PCCA: variants seen among roughly 807,000 people sequenced by gnomAD.
PCCA encodes propionyl-CoA carboxylase subunit alpha.
A neutral mutation model predicts 101.3 loss-of-function variants in PCCA; 74 were observed. The observed-to-expected ratio is 0.73, with a 90% confidence interval of 0.61 to 0.89. The LOEUF (loss-of-function observed/expected upper bound fraction) is 0.89. PCCA is among the 40% of genes least tolerant of loss of function. The pLI, the probability that PCCA is intolerant of heterozygous loss-of-function variation, is 0.00. For missense variants in PCCA, 891 were observed against 907.0 expected (o/e 0.98, Z 0.23); for synonymous variants, 294 against 313.6 (o/e 0.94, Z 0.66).
chr13:100,462,526 G>A (rs1371036368), intron 21 of PCCA, among the ~76,000 whole-genome samples: 2 of 152,170 alleles, frequency 1.3e-5, no homozygotes, highest in African/African-American at 4.8e-5. Context: ...TAGTAGCAGA[G>A]CGAATTGTAG....
chr13:100,198,511 C>CATTCATTT (rs1453831346), intron 6 of PCCA: 2 of 133,192 alleles, frequency 1.5e-5, no homozygotes, highest in African/African-American at 5.4e-5. Flanking sequence ...TTCATTCATT[C>CATTCATTT]ATTTTTGAGA....
At chr13:100,470,185 C>T (rs1005111395) in intron 21 of PCCA, among the ~76,000 whole-genome samples, 8 of 152,168 alleles carry the variant, frequency 5.3e-5, no homozygotes, top group African/African-American at 9.7e-5. Context: ...TCAGCTCATC[C>T]GCCAGCTGAA....
At chr13:100,257,710 T>A (rs2062169816) in intron 9 of PCCA, 37 bp downstream of exon 9, 2 of 1,462,276 alleles carry the variant, frequency 1.4e-6, no homozygotes, top group South Asian at 2.3e-5. Flanking sequence ...TGATGAAAAT[T>A]GCAGTTACCA....
chr13:100,378,143 C>T (rs932648854), intron 19 of PCCA, among the ~76,000 whole-genome samples: 9 of 152,112 alleles, frequency 5.9e-5, no homozygotes, highest in East Asian at 1.9e-4. Context: ...TCAAATTCGG[C>T]GTTTGCTTGT....
intron 4 of PCCA, among the ~76,000 whole-genome samples, chr13:100,135,727 G>T (rs1280968684): frequency 6.6e-6 from 1 of 152,058 alleles, no homozygotes; most frequent in African/African-American, 2.4e-5. Flanking sequence ...GCACATTCTT[G>T]CCTTATTCCC....
chr13:100,372,418 A>G (rs1203136598), intron 19 of PCCA, among the ~76,000 whole-genome samples: 1 of 152,160 alleles, frequency 6.6e-6, no homozygotes, highest in African/African-American at 2.4e-5. Context: ...GCTTCAAGGT[A>G]TTGGATTTGG....
chr13:100,243,971 A>G (rs879632404), intron 8 of PCCA, among the ~76,000 whole-genome samples: 3 of 152,100 alleles, frequency 2.0e-5, no homozygotes. Flanking sequence ...GAATCTTTTT[A>G]TTTTGTCTAT....
At chr13:100,248,103 AT>A (rs1157749594) in intron 8 of PCCA, among the ~76,000 whole-genome samples, 1 of 152,138 alleles carries the variant, frequency 6.6e-6, no homozygotes, top group Non-Finnish European at 1.5e-5. Context: ...GCACATCTAA[AT>A]TTGGACTGGA....
At chr13:100,467,649 C>T (rs1041261971) in intron 21 of PCCA, among the ~76,000 whole-genome samples, 1 of 152,210 alleles carries the variant, frequency 6.6e-6, no homozygotes, top group Non-Finnish European at 1.5e-5. Flanking sequence ...GGATTACAGG[C>T]GTGAGCCACC....
chr13:100,306,799 C>T (rs1168435637), intron 14 of PCCA, among the ~76,000 whole-genome samples: 2 of 152,308 alleles, frequency 1.3e-5, no homozygotes, highest in Non-Finnish European at 2.9e-5. Context: ...TCCTATGGAG[C>T]TGAGGACCAG....
intron 17 of PCCA, among the ~76,000 whole-genome samples, chr13:100,336,010 C>G (rs2070391267): frequency 6.6e-6 from 1 of 152,142 alleles, no homozygotes; most frequent in African/African-American, 2.4e-5. Context: ...TGCCTGTAAT[C>G]CCAGCACTCT....
At chr13:100,449,013 G>A (rs745778312) in intron 20 of PCCA, among the ~76,000 whole-genome samples, 5 of 152,158 alleles carry the variant, frequency 3.3e-5, no homozygotes, top group Non-Finnish European at 7.4e-5. Flanking sequence ...TTACTATTCT[G>A]GACATCTCTT....
In PCCA at chr13:100,522,194, C is replaced by T. The variant is rs146748161; in HGVS notation, c.2041-5481C>T. On this transcript the variant is annotated intron_variant, in intron 22 of 23. Coordinates refer to ENST00000376285, the MANE Select transcript of PCCA (RefSeq NM_000282.4). ...AGAAGTGACCCAGGGTTCCTTGCAG[C>T]GGGCCCAATTTTAGGCAGAGGGTTT... 5.9e-5 allele frequency among the ~76,000 whole-genome samples: 9 copies of T among 152,288 alleles called. No homozygotes were observed. The East Asian group carries it at 1.7e-3, about 29-fold the overall frequency.
At chr13:100,160,224 C>T (rs967469425) in intron 6 of PCCA, among the ~76,000 whole-genome samples, 2 of 151,996 alleles carry the variant, frequency 1.3e-5, no homozygotes, top group Admixed American at 6.6e-5. Flanking sequence ...TCATGTGGGC[C>T]GGGCGCGGTG....
chr13:100,127,753 G>A (rs576783766), intron 4 of PCCA, among the ~76,000 whole-genome samples: 60 of 152,222 alleles, frequency 3.9e-4, no homozygotes, highest in African/African-American at 8.4e-4. Context: ...TTAGCCGGGC[G>A]TGGTGGTGGG....
intron 19 of PCCA, among the ~76,000 whole-genome samples, chr13:100,377,009 G>A (rs529662252): frequency 6.6e-6 from 1 of 152,300 alleles, no homozygotes; most frequent in East Asian, 1.9e-4. Context: ...GGGCTGAATA[G>A]CACTGCCCCT....
At chr13:100,192,505 A>G (rs1023520623) in intron 6 of PCCA, among the ~76,000 whole-genome samples, 1 of 152,122 alleles carries the variant, frequency 6.6e-6, no homozygotes, top group African/African-American at 2.4e-5. Flanking sequence ...AAGAGAGGAG[A>G]TCCTTATAGA....
At chr13:100,206,439 G>C (rs549873093) in intron 6 of PCCA, among the ~76,000 whole-genome samples, 3 of 152,116 alleles carry the variant, frequency 2.0e-5, no homozygotes, top group Admixed American at 1.3e-4. Context: ...GCTGATTTTT[G>C]TATTTTTAGT....
At chr13:100,234,067 A>T (rs574889238) in intron 7 of PCCA, among the ~76,000 whole-genome samples, 1 of 152,330 alleles carries the variant, frequency 6.6e-6, no homozygotes, top group African/African-American at 2.4e-5. Context: ...CGTTGGAAAG[A>T]AATGTTAAAA....
Sources: gnomAD v4.1 joint callset for allele counts (sites outside exome capture counted in the v4.1 genomes callset) on GRCh38, gnomAD v4.1.1 for gene constraint, MANE v1.5 for transcripts, NCBI Gene and HGNC (gene_info 2026-07-23, HGNC 2026-07-21) for gene names.